Variants in LGMN observed in about 807,000 individuals in gnomAD.
The protein encoded by LGMN is asparaginyl endopeptidase.
LGMN carries 36 observed loss-of-function variants against 56.8 expected under a neutral mutation model. That is an observed-to-expected ratio of 0.63 (90% CI 0.49 to 0.84). The LOEUF is 0.84. LGMN is among the 40% of genes least tolerant of loss of function. The pLI is 0.00. For synonymous variants in LGMN, 199 were observed against 210.1 expected, an observed-to-expected ratio of 0.95 and a Z score of 0.46; for missense variants, 446 against 556.1, an observed-to-expected ratio of 0.80 and a Z score of 1.99.
At chr14:92,717,855 G>A (rs1016202679) in intron 3 of LGMN, among the ~76,000 whole-genome samples, 5 of 152,198 alleles carry the variant, frequency 3.3e-5, no homozygotes, top group Admixed American at 2.0e-4. Context: ...GCGTTAAAGC[G>A]TCAGAGTGGG....
chr14:92,710,843 G>C (rs1297823014), intron 10 of LGMN, among the ~76,000 whole-genome samples: 1 of 152,210 alleles, frequency 6.6e-6, no homozygotes, highest in Non-Finnish European at 1.5e-5. Flanking sequence ...CTGCTCAAAA[G>C]CCTGACCAGG....
chr14:92,732,196 G>A (rs889898362), intron 2 of LGMN, among the ~76,000 whole-genome samples: 2 of 152,162 alleles, frequency 1.3e-5, no homozygotes, highest in Non-Finnish European at 2.9e-5. Context: ...CAGCCTGGGT[G>A]ATCTGGCTCC....
At chr14:92,736,247 C>T (rs1038549707) in intron 1 of LGMN, among the ~76,000 whole-genome samples, 4 of 152,016 alleles carry the variant, frequency 2.6e-5, no homozygotes, top group African/African-American at 4.8e-5. Context: ...GACAGAGGAC[C>T]GTTAATCTTT....
chr14:92,729,739 C>A (rs771036203), intron 2 of LGMN, among the ~76,000 whole-genome samples: 44 of 152,288 alleles, frequency 2.9e-4, no homozygotes, highest in South Asian at 6.2e-4. Context: ...TTCTTTTGAA[C>A]ACTCTTTTAA....
chr14:92,734,246 G>A (rs1277955531), intron 1 of LGMN, among the ~76,000 whole-genome samples: 3 of 152,232 alleles, frequency 2.0e-5, no homozygotes, highest in East Asian at 1.9e-4. Context: ...GACTGTCAGC[G>A]TTGGCCAGAG....
chr14:92,728,785 ACCCCTT>A (rs1890872303), intron 2 of LGMN, among the ~76,000 whole-genome samples: 1 of 152,018 alleles, frequency 6.6e-6, no homozygotes, highest in Admixed American at 6.6e-5. Context: ...TCTCAGCTCC[ACCCCTT>A]ACTGGCTGTG....
In LGMN at chr14:92,704,865, A is replaced by G. The variant is rs1172697968; in HGVS notation, c.1192-158T>C. 6 of 636,636 alleles carry G rather than the reference A, an allele frequency of 9.4e-6. No individual in the cohort carries two copies. In the East Asian group the frequency reaches 1.6e-4, roughly 17 times the overall value. The allele number at this position is 636,636 out of a possible 1,614,324, so 39.4% of individuals were successfully genotyped here. A position where few individuals can be genotyped will look rare whatever the true frequency, so the allele number is the denominator to read the frequency against. On this transcript the variant is annotated intron_variant, in intron 12 of 13. Coordinates refer to ENST00000334869, the MANE Select transcript of LGMN (RefSeq NM_005606.7). Reference sequence around the variant, plus strand: ...ACCTTTAGATAATCTGGTGATATTTATGGACGATCCCTCAGGAAAGAGGCA... The same window carrying G: ...ACCTTTAGATAATCTGGTGATATTTGTGGACGATCCCTCAGGAAAGAGGCA...
In LGMN at chr14:92,716,179, C is replaced by T; in HGVS notation, c.361G>A (p.Ala121Thr). 6.2e-7 allele frequency: 1 copy of T among 1,613,506 alleles called. No individual in the cohort carries two copies. The change falls in exon 5 of 14, where the codon GCA becomes ACA. Residue 121 changes from alanine to threonine, a missense_variant. Ala to Thr is a moderately conservative substitution (Grantham distance 58). Transcript: ENST00000334869. ...GATCCTATGCCCTTCACTGCTTCTG[C>T]ATCGCCTCTCAACACAGCAAGGAAA... ...QNFLAVLRGD[A>T]EAVKGIGSGK...
chr14:92,706,355 T>C (rs1279822245), intron 12 of LGMN, 128 bp downstream of exon 12: 1 of 748,506 alleles, frequency 1.3e-6, no homozygotes. Context: ...TCTTCCTCTC[T>C]GAAATGAGCC....
intron 2 of LGMN, among the ~76,000 whole-genome samples, chr14:92,729,329 C>A (rs1890911115): frequency 6.6e-6 from 1 of 151,016 alleles, no homozygotes; most frequent in Admixed American, 6.6e-5. Context: ...ATCCATGCAA[C>A]CCCCCACCTC....
At chr14:92,718,707 G>T in intron 3 of LGMN, 40 bp downstream of exon 3, 2 of 1,361,750 alleles carry the variant, frequency 1.5e-6, no homozygotes, top group Non-Finnish European at 2.1e-6. Flanking sequence ...TAAATACCCT[G>T]AAGTCCTTCC....
Position 92,733,861 on chromosome 14 carries a change from TAAATA to T in LGMN, c.-29-1051_-29-1047del, listed in dbSNP as rs571712433. 3.6e-4 allele frequency: 55 copies of T among 151,868 alleles called. 1 individual carries two copies. In the East Asian group the frequency reaches 3.7e-3, roughly 10 times the overall value. The allele number at this position is 151,868 out of a possible 1,614,324, so 9.4% of individuals were successfully genotyped here. On this transcript the variant is annotated intron_variant, in intron 1 of 13. Coordinates refer to ENST00000334869, the MANE Select transcript of LGMN (RefSeq NM_005606.7). ...CATAAGAAAAAATAAATTTTAAAAA[TAAATA>T]AAATAAACTACACAGAAAAATATGG...
chr14:92,742,053 T>G (rs1306107672), intron 1 of LGMN, among the ~76,000 whole-genome samples: 1 of 152,096 alleles, frequency 6.6e-6, no homozygotes, highest in Non-Finnish European at 1.5e-5. Context: ...ACCCTCGATA[T>G]CTAATGAAGT....
chr14:92,706,200 G>C (rs1288560696), intron 12 of LGMN, among the ~76,000 whole-genome samples: 2 of 152,158 alleles, frequency 1.3e-5, no homozygotes, highest in Non-Finnish European at 2.9e-5. Flanking sequence ...GGTTTGGCAG[G>C]GACAGCAGAA....
intron 13 of LGMN, 94 bp from the exon 14 acceptor site, chr14:92,704,455 G>T: frequency 2.6e-6 from 3 of 1,134,602 alleles, no homozygotes; most frequent in Non-Finnish European, 4.0e-6. Context: ...AGGCAGTTAT[G>T]ACAGGCCCGC....
chr14:92,724,179 A>G (rs1294226137), intron 2 of LGMN, among the ~76,000 whole-genome samples: 1 of 152,232 alleles, frequency 6.6e-6, no homozygotes, highest in Non-Finnish European at 1.5e-5. Flanking sequence ...CTAGGCCTCA[A>G]TAAAGTTATA....
At chr14:92,729,727 C>G (rs140269798) in intron 2 of LGMN, among the ~76,000 whole-genome samples, 13 of 152,252 alleles carry the variant, frequency 8.5e-5, no homozygotes, top group African/African-American at 3.1e-4. Flanking sequence ...CTGTGGAGAC[C>G]GTTCTTTTGA....
intron 1 of LGMN, among the ~76,000 whole-genome samples, chr14:92,736,313 T>C (rs1231304383): frequency 1.3e-5 from 2 of 152,164 alleles, no homozygotes; most frequent in African/African-American, 2.4e-5. Flanking sequence ...GTGAAACTTA[T>C]GGCCAGGTGC....
intron 2 of LGMN, among the ~76,000 whole-genome samples, chr14:92,729,477 C>T (rs1197879958): frequency 1.0e-5 from 1 of 98,354 alleles, no homozygotes; most frequent in Non-Finnish European, 2.2e-5. Flanking sequence ...GCCCCCCCCC[C>T]CCGCCCCCGT....
Sources: allele counts gnomAD v4.1 joint callset (sites outside exome capture counted in the v4.1 genomes callset), GRCh38; gene constraint gnomAD v4.1.1; transcripts MANE v1.5; gene names NCBI Gene and HGNC (gene_info 2026-07-23, HGNC 2026-07-21).